NF1: variants seen among roughly 807,000 people sequenced by gnomAD.
NF1 encodes neurofibromin 1, also known as neurofibromin.
A neutral mutation model predicts 325.7 loss-of-function variants in NF1; 122 were observed. That is an observed-to-expected ratio of 0.37 (90% confidence interval 0.32 to 0.44). The LOEUF (loss-of-function observed/expected upper bound fraction) is 0.44. Ranked by LOEUF, NF1 falls within the 20% of genes least tolerant of loss-of-function variation. The pLI, the probability that NF1 is intolerant of heterozygous loss-of-function variation, is 1.00. For missense variants in NF1, 2,140 were observed against 3,415.4 expected (o/e 0.63, Z 9.31); for synonymous variants, 1,091 against 1,186.0 (o/e 0.92, Z 1.65).
intron 29 of NF1, among the ~76,000 whole-genome samples, chr17:31,248,057 C>A (rs969896959): frequency 4.6e-5 from 7 of 151,940 alleles, no homozygotes; most frequent in African/African-American, 1.7e-4. Context: ...ATAAAATTAG[C>A]CGGGCGTGGT....
intron 11 of NF1, among the ~76,000 whole-genome samples, chr17:31,205,032 T>C (rs894505090): frequency 6.6e-6 from 1 of 152,140 alleles, no homozygotes; most frequent in Non-Finnish European, 1.5e-5. Flanking sequence ...AAAGCATTTC[T>C]TCCCTCCCAG....
intron 48 of NF1, among the ~76,000 whole-genome samples, chr17:31,343,528 G>C (rs1418630416): frequency 6.6e-6 from 1 of 152,232 alleles, no homozygotes; most frequent in South Asian, 2.1e-4. Flanking sequence ...CTAGGTAACA[G>C]AGTGAGACTT....
At chr17:31,132,002 T>A (rs115828546) in intron 1 of NF1, among the ~76,000 whole-genome samples, 1 of 152,094 alleles carries the variant, frequency 6.6e-6, no homozygotes, top group African/African-American at 2.4e-5. Flanking sequence ...GTGATCACTG[T>A]TCACTGCAGC....
chr17:31,108,649 C>G (rs1326864446), intron 1 of NF1, among the ~76,000 whole-genome samples: 1 of 152,124 alleles, frequency 6.6e-6, no homozygotes, highest in East Asian at 1.9e-4. Context: ...ATCCGTATTC[C>G]TACCCATTTC....
In NF1 at chr17:31,236,134, G is replaced by T. The variant is rs1036840308; in HGVS notation, c.3974+113G>T. On this transcript the variant is annotated intron_variant, in intron 29 of 57. Transcript: ENST00000358273. ...CTTCTCCCCTTGATCATTAAAATTA[G>T]TTTTTAATTATAAAAGTTATATACA... is the stretch of plus-strand genomic sequence containing the variant. The T allele has an allele frequency of 1.2e-5, 9 of 746,050 alleles. 1 individual carries two copies. The highest frequency in any genetic ancestry group is 1.1e-4 in the South Asian group (7 of 60,988). The allele number at this position is 746,050 out of a possible 1,614,324, so 46.2% of individuals were successfully genotyped here.
chr17:31,248,540 T>A lies in NF1; in HGVS notation c.3975-444T>A, dbSNP rs78305228. On this transcript the variant is annotated intron_variant, in intron 29 of 57. Transcript: ENST00000358273. ...GTTATCTCAAAGTTGTCTTTTTTTTTATTTTTATTTTTGAGATTCAGTCTT... is the reference window on the plus strand; with the variant it reads ...GTTATCTCAAAGTTGTCTTTTTTTTAATTTTTATTTTTGAGATTCAGTCTT... 3.9e-5 allele frequency among the ~76,000 whole-genome samples: 6 copies of A among 152,156 alleles called. No homozygotes were observed. In the South Asian group the frequency reaches 6.2e-4, roughly 16 times the overall value.
intron 1 of NF1, among the ~76,000 whole-genome samples, chr17:31,147,786 A>G (rs1916680962): frequency 6.6e-6 from 1 of 152,202 alleles, no homozygotes; most frequent in Non-Finnish European, 1.5e-5. Context: ...TCGAAGCTGC[A>G]AGGCTTTCAA....
intron 29 of NF1, 26 bp downstream of exon 29, chr17:31,236,047 G>T (rs1167017426): frequency 6.6e-7 from 1 of 1,524,452 alleles, no homozygotes. Flanking sequence ...ACATAGAACC[G>T]CTGTTTTTTG....
chr17:31,249,890 A>G, intron 30 of NF1: 1 of 470,926 alleles, frequency 2.1e-6, no homozygotes, highest in Non-Finnish European at 4.3e-6. Flanking sequence ...AATTTGGGAT[A>G]GGGGTGGATA....
Position 31,233,204 on chromosome 17 carries a change from T to C in NF1, c.3699T>C (p.Cys1233=), listed in dbSNP as rs2067145396. The stretch of plus-strand genomic sequence containing the variant: ...TGGCTCTGGCCAATGTGGTTCCTTG[T>C]TCTCAGTGGGTAAGTGATTAGAGTA... ...IAMALANVVP[C]SQWDELARVL... is the part of the protein sequence containing the mutation. The change falls in exon 27 of 58, where the codon TGT becomes TGC. Residue 1233 remains cysteine, a synonymous_variant. Transcript: ENST00000358273. The C allele has an allele frequency of 6.2e-7, 1 of 1,614,104 alleles. No individual in the cohort carries two copies. The highest frequency in any genetic ancestry group is 2.2e-5 in the East Asian group (1 of 44,890).
intron 10 of NF1, 88 bp downstream of exon 10, chr17:31,201,247 TTTATCGGTATTTCTCACTA>T: frequency 6.4e-7 from 1 of 1,553,714 alleles, no homozygotes; most frequent in Non-Finnish European, 8.9e-7. Context: ...TAGGTTCACT[TTTATCGGTATTTCTCACTA>T]TTATGTATTG....
rs1467328533 is a variant in NF1 at position 31,295,613 on chromosome 17, T to C, written c.4836-30207T>C. ...ATGGGCTTTTGTTTCCATCATCCACTTCAGTAAGTAAGTAATGTTTTGTTT... is the reference window on the plus strand; with the variant it reads ...ATGGGCTTTTGTTTCCATCATCCACCTCAGTAAGTAAGTAATGTTTTGTTT... On this transcript the variant is annotated intron_variant, in intron 36 of 57. Coordinates refer to ENST00000358273, the MANE Select transcript of NF1 (RefSeq NM_001042492.3). The C allele has an allele frequency of 4.3e-6, 7 of 1,614,038 alleles. No homozygotes were observed. In the African/African-American group the frequency reaches 6.7e-5, roughly 15 times the overall value.
chr17:31,102,500 T>C (rs1330983612), intron 1 of NF1, among the ~76,000 whole-genome samples: 2 of 152,074 alleles, frequency 1.3e-5, no homozygotes, highest in Non-Finnish European at 2.9e-5. Flanking sequence ...CCCAGCACTT[T>C]GGGAGGCCCA....
chr17:31,312,880 T>C (rs1433109390), intron 36 of NF1, among the ~76,000 whole-genome samples: 1 of 152,164 alleles, frequency 6.6e-6, no homozygotes, highest in Admixed American at 6.5e-5. Flanking sequence ...TTTGCCCATT[T>C]TACCCACAGC....
In NF1 at chr17:31,260,582, G is replaced by T. The variant is rs368297134; in HGVS notation, c.4577+67G>T. The T allele has an allele frequency of 2.4e-5, 37 of 1,533,308 alleles. No individual in the cohort carries two copies. The African/African-American group carries it at 4.0e-4, about 16-fold the overall frequency. 95.0% of individuals were successfully genotyped at this position (1,533,308 alleles called of 1,614,324 possible). A position where few individuals can be genotyped will look rare whatever the true frequency, so the allele number is the denominator to read the frequency against. On this transcript the variant is annotated intron_variant, in intron 34 of 57. Coordinates refer to ENST00000358273, the MANE Select transcript of NF1 (RefSeq NM_001042492.3). ...TAAATTTAGATTAATACAATTATTGGTCATGAATAGTGCTTTTTACTTTGC... is the reference window on the plus strand; with the variant it reads ...TAAATTTAGATTAATACAATTATTGTTCATGAATAGTGCTTTTTACTTTGC...
Position 31,232,127 on chromosome 17 carries a change from T to C in NF1, c.3252T>C (p.Pro1084=), listed in dbSNP as rs2151433765. Residue 1084 remains proline, a synonymous_variant, in exon 25 of 58, where the codon CCT becomes CCC. Transcript: ENST00000358273. ...TAGTTTCACTTCTAGCTGGTCTCCC[T>C]CTGCAGCCTGAAGAAGGAGATGGTG... ...EAVVSLLAGL[P]LQPEEGDGVE... 1.3e-6 allele frequency: 2 copies of C among 1,566,056 alleles called. No individual in the cohort carries two copies. Among genetic ancestry groups the C allele is most frequent in the Non-Finnish European group, 1.7e-6 (2 of 1,154,526 alleles).
At chr17:31,252,098 G>A (rs1402921187) in intron 30 of NF1, 1 of 189,384 alleles carries the variant, frequency 5.3e-6, no homozygotes, top group African/African-American at 2.5e-5. Flanking sequence ...TGTGCCTGGA[G>A]TTTTGGGGGT....
intron 5 of NF1, among the ~76,000 whole-genome samples, chr17:31,173,017 C>A (rs182652905): frequency 1.5e-3 from 233 of 152,182 alleles, no homozygotes; most frequent in South Asian, 2.9e-3. Flanking sequence ...CGCAGTGGCT[C>A]ACACCTGTAA....
chr17:31,105,841 C>T (rs1034547555), intron 1 of NF1, among the ~76,000 whole-genome samples: 4 of 152,202 alleles, frequency 2.6e-5, no homozygotes, highest in Admixed American at 2.0e-4. Flanking sequence ...TGATGAAATT[C>T]TTTCCTGCTC....
Sources: allele counts gnomAD v4.1 joint callset (sites outside exome capture counted in the v4.1 genomes callset), GRCh38; gene constraint gnomAD v4.1.1; transcripts MANE v1.5; gene names NCBI Gene and HGNC (gene_info 2026-07-23, HGNC 2026-07-21).